Variants in PRKN observed in about 807,000 individuals in gnomAD.
PRKN encodes the protein parkin RBR E3 ubiquitin protein ligase, also known as E3 ubiquitin-protein ligase parkin.
Under a neutral mutation model 59.5 loss-of-function variants are expected in PRKN, and 56 were observed. That is an observed-to-expected ratio of 0.94 (90% CI 0.76 to 1.18). PRKN has a LOEUF of 1.18. Among genes scored for constraint, PRKN ranks in the 50% most tolerant of loss-of-function variants. The pLI, the probability that PRKN is intolerant of heterozygous loss-of-function variation, is 0.00. For missense variants in PRKN, 657 were observed against 596.4 expected (o/e 1.10, Z -1.06); for synonymous variants, 250 against 222.1 (o/e 1.13, Z -1.12).
intron 5 of PRKN, among the ~76,000 whole-genome samples, chr6:162,020,451 T>C (rs567022974): frequency 6.6e-6 from 1 of 151,828 alleles, no homozygotes; most frequent in South Asian, 2.1e-4. Context: ...CTTTTGTACA[T>C]GATACTGAAA....
At chr6:162,685,610 A>G (rs1039029665) in intron 1 of PRKN, among the ~76,000 whole-genome samples, 2 of 152,188 alleles carry the variant, frequency 1.3e-5, no homozygotes, top group Non-Finnish European at 2.9e-5. Flanking sequence ...AATGGTAAAC[A>G]GTTTAGCCAG....
chr6:161,531,195 C>T (rs9364601), intron 9 of PRKN, among the ~76,000 whole-genome samples: 49,968 of 151,472 alleles, frequency 0.33, 9,401 homozygotes, highest in East Asian at 0.6. Context: ...TCCTGGCTAA[C>T]ATGGTGAAAC....
In PRKN at chr6:162,274,180, A is replaced by AATTTATTT. The variant is rs1222879318; in HGVS notation, c.172-11416_172-11415insAAATAAAT. Among the ~76,000 whole-genome samples, 48 of 151,330 alleles carry AATTTATTT rather than the reference A, an allele frequency of 3.2e-4. No individual in the cohort carries two copies. In the South Asian group the frequency reaches 9.6e-3, roughly 30 times the overall value. ...TAATTAATTAATTTATTAATTTATT[A>AATTTATTT]ATGTATTTATTTATTTATTTATTTT... is the stretch of plus-strand genomic sequence containing the variant. On this transcript the variant is annotated intron_variant, in intron 2 of 11. Transcript: ENST00000366898.
rs1170325295 is a variant in PRKN, at chr6:161,428,453, C to G, written c.1084-41576G>C. On this transcript the variant is annotated intron_variant, in intron 9 of 11. Transcript: ENST00000366898. This position sits in a 1 kb window ranked among gnomAD's most constrained non-coding sequence, Gnocchi z 4.0. ...GGTCCACACGAGCCTCATGGAGAGA[C>G]AGGCGGCTGCTCCGTCCATCTTCGA... Among the ~76,000 whole-genome samples the G allele has an allele frequency of 6.6e-6, 1 of 152,106 alleles. No homozygotes were observed. The highest frequency in any genetic ancestry group is 1.5e-5 in the Non-Finnish European group (1 of 68,028).
chr6:161,967,862 C>G (rs907671153), intron 6 of PRKN, among the ~76,000 whole-genome samples: 9 of 152,018 alleles, frequency 5.9e-5, no homozygotes, highest in Non-Finnish European at 1.3e-4. Context: ...TAGATAGTGC[C>G]CAGTAAACCT....
chr6:162,525,266 C>T (rs1562356094), intron 1 of PRKN, among the ~76,000 whole-genome samples: 1 of 152,096 alleles, frequency 6.6e-6, no homozygotes, highest in Non-Finnish European at 1.5e-5. Flanking sequence ...GAACAATAAC[C>T]TCTTGCCAGG....
chr6:162,578,271 CTG>C (rs1186336823), intron 1 of PRKN, among the ~76,000 whole-genome samples: 1 of 151,724 alleles, frequency 6.6e-6, no homozygotes, highest in African/African-American at 2.4e-5. Context: ...GTATAAGCCT[CTG>C]TTTTAATTAA....
At chr6:162,522,070 G>A (rs1778100423) in intron 1 of PRKN, among the ~76,000 whole-genome samples, 1 of 152,162 alleles carries the variant, frequency 6.6e-6, no homozygotes. Flanking sequence ...TTTTCTTTGA[G>A]TAAGAATTAT....
Position 162,199,974 on chromosome 6 carries a change from C to T in PRKN, c.534+1157G>A, listed in dbSNP as rs142720391. On this transcript the variant is annotated intron_variant, in intron 4 of 11. Transcript: ENST00000366898. ...TTAGCCTCTTGTCTTTCACCTGTCC[C>T]CATCTTCAAGTCTAATGGCAAACTG... Among the ~76,000 whole-genome samples the T allele has an allele frequency of 2.5e-3, 373 of 152,244 alleles. 6 individuals carry two copies. Among genetic ancestry groups the T allele is most frequent in the Middle Eastern group, 0.01 (3 of 294 alleles).
chr6:162,349,804 G>A (rs1784551244), intron 2 of PRKN, among the ~76,000 whole-genome samples: 1 of 152,164 alleles, frequency 6.6e-6, no homozygotes, highest in African/African-American at 2.4e-5. Context: ...GAGGATGTCT[G>A]CTCTTATCAG....
intron 4 of PRKN, among the ~76,000 whole-genome samples, chr6:162,112,956 A>T (rs912160550): frequency 6.6e-5 from 10 of 152,110 alleles, no homozygotes; most frequent in African/African-American, 2.2e-4. Flanking sequence ...CGTCCTGCAT[A>T]TATCTGCCTC....
chr6:161,730,046 T>C (rs1787613726), intron 7 of PRKN, among the ~76,000 whole-genome samples: 1 of 152,230 alleles, frequency 6.6e-6, no homozygotes, highest in Non-Finnish European at 1.5e-5. Flanking sequence ...TTGTATTCTT[T>C]CTGGTGTGTT....
intron 4 of PRKN, among the ~76,000 whole-genome samples, chr6:162,099,391 A>G (rs1416717031): frequency 6.6e-6 from 1 of 152,194 alleles, no homozygotes; most frequent in Non-Finnish European, 1.5e-5. Flanking sequence ...ACTGTTTTTT[A>G]CTGAAAGTCA....
chr6:161,758,036 C>T (rs1325885002), intron 7 of PRKN, among the ~76,000 whole-genome samples: 2 of 150,522 alleles, frequency 1.3e-5, no homozygotes, highest in Non-Finnish European at 1.5e-5. Flanking sequence ...CACCACTACA[C>T]ACTTAATGGA....
chr6:161,696,071 T>C (rs1786009883), intron 7 of PRKN, among the ~76,000 whole-genome samples: 1 of 152,102 alleles, frequency 6.6e-6, no homozygotes, highest in Non-Finnish European at 1.5e-5. Flanking sequence ...AGAAGAGCGA[T>C]GAAGCTATAG....
rs1384602943 is a variant in PRKN at position 162,484,532 on chromosome 6, T to G, written c.8-41059A>C. Among the ~76,000 whole-genome samples the G allele has an allele frequency of 3.3e-5, 5 of 152,170 alleles. No individual in the cohort carries two copies. In the East Asian group the frequency reaches 9.6e-4, roughly 29 times the overall value. ...TCTGTTGAGATGGGTATGACTGAGT[T>G]ACAAACAGCTTAGCAGGTGTAAGAA... On this transcript the variant is annotated intron_variant, in intron 1 of 11. Transcript: ENST00000366898.
intron 7 of PRKN, among the ~76,000 whole-genome samples, chr6:161,712,928 C>T (rs971555378): frequency 6.6e-6 from 1 of 152,078 alleles, no homozygotes; most frequent in Non-Finnish European, 1.5e-5. Flanking sequence ...ACTGGGTATC[C>T]TATAATTCAA....
In PRKN at chr6:161,904,441, G is replaced by A. The variant is rs143388649; in HGVS notation, c.734+68861C>T. Among the ~76,000 whole-genome samples the A allele has an allele frequency of 5.4e-3, 793 of 147,440 alleles. 2 individuals carry two copies. Among genetic ancestry groups the A allele is most frequent in the African/African-American group, 0.018 (731 of 40,076 alleles). On this transcript the variant is annotated intron_variant, in intron 6 of 11. Transcript: ENST00000366898. ...TGCCATTCTCCTGCCTCAGCCTCCC[G>A]AGTAGCTGGGACCACAGGCGCCTGC...
chr6:162,201,634 C>T (rs1309381580), intron 3 of PRKN, among the ~76,000 whole-genome samples: 2 of 152,124 alleles, frequency 1.3e-5, no homozygotes, highest in African/African-American at 4.8e-5. Context: ...CTTCCAGACA[C>T]AGTTTTGAAG....
Sources: gnomAD v4.1 joint callset for allele counts (sites outside exome capture counted in the v4.1 genomes callset) on GRCh38, gnomAD v4.1.1 for gene constraint, Gnocchi (gnomAD v3.1) non-coding constraint, MANE v1.5 for transcripts, NCBI Gene and HGNC (gene_info 2026-07-23, HGNC 2026-07-21) for gene names.